RASSF4: variants seen among roughly 807,000 people sequenced by gnomAD.
RASSF4 encodes Ras association domain family member 4, also known as ras association domain-containing protein 4.
Under a neutral mutation model 41.1 loss-of-function variants are expected in RASSF4, and 38 were observed. The observed-to-expected ratio is 0.92, with a 90% CI of 0.71 to 1.21. The LOEUF (loss-of-function observed/expected upper bound fraction) is 1.21, where lower values mean the gene tolerates loss of function less well. Among genes scored for constraint, RASSF4 ranks in the 50% most tolerant of loss-of-function variants. The pLI is 0.00. For missense variants in RASSF4, 414 were observed against 419.4 expected, an observed-to-expected ratio of 0.99 and a Z score of 0.11; for synonymous variants, 179 against 163.4, an observed-to-expected ratio of 1.10 and a Z score of -0.73.
intron 6 of RASSF4, among the ~76,000 whole-genome samples, chr10:44,987,971 CG>C (rs1243548176): frequency 3.3e-5 from 5 of 152,076 alleles, no homozygotes; most frequent in Non-Finnish European, 7.3e-5. Flanking sequence ...CTTATCAGAG[CG>C]GGGATACTGA....
intron 3 of RASSF4, among the ~76,000 whole-genome samples, 195 bp downstream of exon 3, chr10:44,972,043 T>A (rs1445391059): frequency 1.3e-5 from 2 of 152,114 alleles, no homozygotes; most frequent in Non-Finnish European, 1.5e-5. Flanking sequence ...AGCAGCCAGG[T>A]CATCTCCCTT....
In RASSF4 at chr10:44,971,839, A is replaced by T; in HGVS notation, c.129A>T (p.Arg43Ser). Residue 43 changes from arginine to serine, a missense_variant, in exon 3 of 11, where the codon AGA (arginine) becomes AGT (serine). Physicochemically the swap from Arg to Ser is moderately radical, Grantham distance 110. Coordinates refer to ENST00000340258, the MANE Select transcript of RASSF4 (RefSeq NM_032023.4). ...ATGAGGGCAAGAGCTTCCAGCTGAG[A>T]CACCGTGAGGTGAGCCTGTTGCTCT... Reference protein sequence around the residue: ...CYHEGKSFQLRHREEEGTLII... With the variant: ...CYHEGKSFQLSHREEEGTLII... 1 of 1,611,208 alleles carries T rather than the reference A, an allele frequency of 6.2e-7. No individual in the cohort carries two copies. Among genetic ancestry groups the T allele is most frequent in the Non-Finnish European group, 8.5e-7 (1 of 1,177,688 alleles).
At chr10:44,965,826 C>A (rs1840881753) in intron 1 of RASSF4, among the ~76,000 whole-genome samples, 1 of 152,216 alleles carries the variant, frequency 6.6e-6, no homozygotes, top group East Asian at 1.9e-4. Flanking sequence ...CTAGGACTCT[C>A]CTTTACTTTC....
chr10:44,988,534 C>T (rs1841997088), intron 6 of RASSF4, among the ~76,000 whole-genome samples: 1 of 152,042 alleles, frequency 6.6e-6, no homozygotes, highest in African/African-American at 2.4e-5. Flanking sequence ...TAGTGTCATA[C>T]GTGCGAGACA....
At chr10:44,963,344 A>G (rs181303630) in intron 1 of RASSF4, among the ~76,000 whole-genome samples, 12 of 152,260 alleles carry the variant, frequency 7.9e-5, no homozygotes, top group Non-Finnish European at 1.5e-4. Context: ...TCTCACCACA[A>G]AAATGCTTGG....
At chr10:44,971,617 G>T (rs772459079) in intron 2 of RASSF4, 156 bp from the exon 3 acceptor site, 18 of 734,170 alleles carry the variant, frequency 2.5e-5, no homozygotes, top group Admixed American at 7.5e-5. Context: ...GGTGCATTGC[G>T]ATGGCAGTCT....
intron 3 of RASSF4, among the ~76,000 whole-genome samples, chr10:44,973,623 G>A (rs1385081938): frequency 6.6e-6 from 1 of 152,242 alleles, no homozygotes; most frequent in Non-Finnish European, 1.5e-5. Context: ...CAAGTTTTAA[G>A]GAGCCCTCCA....
chr10:44,973,773 C>T (rs575032211), intron 3 of RASSF4, among the ~76,000 whole-genome samples: 1 of 152,336 alleles, frequency 6.6e-6, no homozygotes, highest in African/African-American at 2.4e-5. Flanking sequence ...CAAGAGCCTC[C>T]ACCCTGCGTT....
In RASSF4 at chr10:44,993,731, C is replaced by T. The variant is rs1168851189; in HGVS notation, c.*402C>T. ...TCCTTCATATGAGATTCTTGTCTGC[C>T]CTCATATCACGCTGCCCCACAGGAA... On this transcript the variant is annotated 3_prime_UTR_variant, in exon 11 of 11. Transcript: ENST00000340258. 1 of 176,742 alleles carries T rather than the reference C, an allele frequency of 5.7e-6. No individual in the cohort carries two copies. The highest frequency in any genetic ancestry group is 1.2e-5 in the Non-Finnish European group (1 of 82,658). The allele number at this position is 176,742 out of a possible 1,614,324, so 10.9% of individuals were successfully genotyped here.
rs528754850 is a variant in RASSF4 at position 44,994,670 on chromosome 10, A to T, written c.*1341A>T. ...GTCGACTCTGCCCTCCTCTGGCAGC[A>T]TAGATCCTTAGGTGCTCAATAAAGG... is the stretch of plus-strand genomic sequence containing the variant. On this transcript the variant is annotated 3_prime_UTR_variant, in exon 11 of 11. Coordinates refer to ENST00000340258, the MANE Select transcript of RASSF4 (RefSeq NM_032023.4). 6.6e-6 allele frequency: 1 copy of T among 151,940 alleles called. No homozygotes were observed. Among genetic ancestry groups the T allele is most frequent in the Admixed American group, 6.5e-5 (1 of 15,282 alleles). The allele number at this position is 151,940 out of a possible 1,614,324, so 9.4% of individuals were successfully genotyped here.
At chr10:44,960,369 T>C (rs894933599) in intron 1 of RASSF4, among the ~76,000 whole-genome samples, 46 of 152,362 alleles carry the variant, frequency 3.0e-4, no homozygotes, top group African/African-American at 9.6e-4. Flanking sequence ...CTACTTTCGT[T>C]ATCCCCTTTT....
At chr10:44,979,681 G>A (rs941167212) in intron 3 of RASSF4, among the ~76,000 whole-genome samples, 1 of 152,120 alleles carries the variant, frequency 6.6e-6, no homozygotes, top group East Asian at 1.9e-4. Context: ...GTGAGGGCGC[G>A]CCGGACAGAC....
At chr10:44,966,684 GGTGT>G (rs1213415937) in intron 1 of RASSF4, among the ~76,000 whole-genome samples, 1 of 152,146 alleles carries the variant, frequency 6.6e-6, no homozygotes, top group Admixed American at 6.5e-5. Flanking sequence ...GGTGCCTGTG[GGTGT>G]GTAATTTAGC....
intron 1 of RASSF4, among the ~76,000 whole-genome samples, chr10:44,969,107 T>TG (rs1408150133): frequency 1.0e-3 from 151 of 149,850 alleles, no homozygotes; most frequent in African/African-American, 3.6e-3. Flanking sequence ...TGCGTGTGTT[T>TG]TTGTGTGTGT....
At chr10:44,988,457 C>T (rs1841994753) in intron 6 of RASSF4, among the ~76,000 whole-genome samples, 1 of 151,810 alleles carries the variant, frequency 6.6e-6, no homozygotes, top group African/African-American at 2.4e-5. Flanking sequence ...TAATGTGTCC[C>T]CCCACCCCCC....
chr10:44,992,316 C>A (rs1842146021), intron 10 of RASSF4, among the ~76,000 whole-genome samples: 1 of 152,268 alleles, frequency 6.6e-6, no homozygotes, highest in Non-Finnish European at 1.5e-5. Flanking sequence ...CAAGTGGGCG[C>A]TGGGTCAAGC....
intron 1 of RASSF4, among the ~76,000 whole-genome samples, chr10:44,967,161 C>T (rs1564450741): frequency 6.6e-6 from 1 of 152,176 alleles, no homozygotes. Context: ...GGTTGGCAGA[C>T]AGTTCTGGTC....
In RASSF4 at chr10:44,994,569, T is replaced by C. The variant is rs1000557444; in HGVS notation, c.*1240T>C. 2 of 152,182 alleles carry C rather than the reference T, an allele frequency of 1.3e-5. No homozygotes were observed. Among genetic ancestry groups the C allele is most frequent in the Non-Finnish European group, 2.9e-5 (2 of 68,044 alleles). The allele number at this position is 152,182 out of a possible 1,614,324, so 9.4% of individuals were successfully genotyped here. A position where few individuals can be genotyped will look rare whatever the true frequency, so the allele number is the denominator to read the frequency against. ...GTGCGGAACTGCGTCAGGGCAAATGTCACAGCAGGATTTCCCCAACCCAGC... is the reference window on the plus strand; with the variant it reads ...GTGCGGAACTGCGTCAGGGCAAATGCCACAGCAGGATTTCCCCAACCCAGC... On this transcript the variant is annotated 3_prime_UTR_variant, in exon 11 of 11. Coordinates refer to ENST00000340258, the MANE Select transcript of RASSF4 (RefSeq NM_032023.4).
At chr10:44,964,974 A>G (rs1164246989) in intron 1 of RASSF4, among the ~76,000 whole-genome samples, 1 of 152,354 alleles carries the variant, frequency 6.6e-6, no homozygotes, top group South Asian at 2.1e-4. Context: ...CTCAGGAAAA[A>G]CAGGTCTTCT....
Sources: allele counts gnomAD v4.1 joint callset (sites outside exome capture counted in the v4.1 genomes callset), GRCh38; gene constraint gnomAD v4.1.1; transcripts MANE v1.5; gene names NCBI Gene and HGNC (gene_info 2026-07-23, HGNC 2026-07-21).